CD99: variants seen among roughly 807,000 people sequenced by gnomAD.
The protein encoded by CD99 is CD99 antigen.
Under a neutral mutation model 28.4 loss-of-function variants are expected in CD99, and 19 were observed. The ratio of observed to expected loss-of-function variants is 0.67; its 90% CI spans 0.47 to 0.98. The LOEUF is 0.98. Among genes scored for constraint, CD99 ranks in the 50% least tolerant of loss-of-function variants. The pLI, the probability that CD99 is intolerant of heterozygous loss-of-function variation, is 0.00. For synonymous variants in CD99, 103 were observed against 92.1 expected (o/e 1.12, Z -0.67); for missense variants, 283 against 248.8 (o/e 1.14, Z -0.92).
At position 2,723,299 on chromosome X, in the gene CD99, G is replaced by GT; in HGVS notation, c.311-10dup. ...CCCAAACCTTCCCATTGCAGACGTT[G>GT]TTTTTGTCTTGCAGGAAAAGGAGGC... On this transcript the variant is annotated splice_polypyrimidine_tract_variant and intron_variant, in intron 6 of 9. Transcript: ENST00000381192. The GT allele has an allele frequency of 6.2e-7, 1 of 1,613,932 alleles. No individual in the cohort carries two copies. The highest frequency in any genetic ancestry group is 8.5e-7 in the Non-Finnish European group (1 of 1,179,824).
At chrX:2,697,633 A>G (rs1250483462) in intron 1 of CD99, among the ~76,000 whole-genome samples, 2 of 152,250 alleles carry the variant, frequency 1.3e-5, no homozygotes, top group East Asian at 3.9e-4. Context: ...GACTGGAATG[A>G]TGACAAGAAT....
chrX:2,737,018 T>C (rs1247036580), intron 8 of CD99, among the ~76,000 whole-genome samples: 1 of 151,894 alleles, frequency 6.6e-6, no homozygotes, highest in East Asian at 1.9e-4. Context: ...CTCGGAGTCC[T>C]CACTCACCTC....
intron 1 of CD99, among the ~76,000 whole-genome samples, chrX:2,704,181 C>CT (rs1257849884): frequency 1.3e-5 from 2 of 152,304 alleles, no homozygotes; most frequent in African/African-American, 4.8e-5. Context: ...TCACACCATT[C>CT]TTTGGCCTCT....
chrX:2,726,586 T>C, intron 8 of CD99: 2 of 671,270 alleles, frequency 3.0e-6, no homozygotes, highest in Non-Finnish European at 5.5e-6. Context: ...GTTTACAAGT[T>C]CCCCACTGCT....
At chrX:2,719,574 G>A (rs751867723) in intron 3 of CD99, 87 bp from the exon 4 acceptor site, 140 of 1,025,568 alleles carry the variant, frequency 1.4e-4, no homozygotes, top group East Asian at 8.1e-4. Flanking sequence ...ATGTGGGGCC[G>A]TGGTGTGTTT....
At chrX:2,740,027 G>C (rs1233262508) in intron 9 of CD99, among the ~76,000 whole-genome samples, 1 of 151,878 alleles carries the variant, frequency 6.6e-6, no homozygotes, top group South Asian at 2.1e-4. Flanking sequence ...GGGAGGCGGA[G>C]GTTGTGGTGA....
Position 2,726,343 on chromosome X carries a change from C to T in CD99, c.445C>T (p.Gln149Ter). 6.2e-7 allele frequency: 1 copy of T among 1,610,666 alleles called. No homozygotes were observed. The change falls in exon 8 of 10, where the codon CAG becomes TAG. Residue 149 changes from glutamine to a stop codon, truncating the protein, a stop_gained. Transcript: ENST00000381192. LOFTEE classifies it high-confidence loss of function. ...AGAISSFIAYQKKKLCFKENA... is the reference protein window; with the variant it reads ...AGAISSFIAY ...AGCCATCTCTAGCTTCATTGCTTAC[C>T]AGAAAAAGAAGCTATGCTTCAAAGA...
At chrX:2,739,985 A>C (rs1456665956) in intron 9 of CD99, among the ~76,000 whole-genome samples, 1 of 151,100 alleles carries the variant, frequency 6.6e-6, no homozygotes, top group Non-Finnish European at 1.5e-5. Flanking sequence ...CCAGCTACTC[A>C]GAAGGCTGAG....
At chrX:2,727,158 A>AAAAT in intron 8 of CD99, 1 of 695,380 alleles carries the variant, frequency 1.4e-6, no homozygotes. Flanking sequence ...CAAAACAAAA[A>AAAAT]CCAGCACAGC....
chrX:2,705,750 G>C (rs187599457), intron 1 of CD99, among the ~76,000 whole-genome samples: 1 of 152,074 alleles, frequency 6.6e-6, no homozygotes, highest in South Asian at 2.1e-4. Flanking sequence ...TCGTCTGCCC[G>C]GTGTTAAATG....
In CD99 at chrX:2,726,286, A is replaced by G. The variant is rs1299678312; in HGVS notation, c.388A>G (p.Ile130Val). ...CGACGCCCCAGGCGTGATCCCCGGG[A>G]TTGTGGGGGCTGTCGTGGTCGCCGT... ...EADAPGVIPG[I>V]VGAVVVAVAG... The change falls in exon 8 of 10, where the codon ATT becomes GTT. Residue 130 changes from isoleucine (I) to valine (V), a missense_variant. By Grantham distance (29) the Ile-to-Val change is conservative (BLOSUM62 3). Transcript: ENST00000381192. The G allele has an allele frequency of 6.2e-7, 1 of 1,611,290 alleles. No individual in the cohort carries two copies. Among genetic ancestry groups the G allele is most frequent in the African/African-American group, 1.3e-5 (1 of 74,766 alleles).
chrX:2,718,145 C>T (rs1380983363), intron 3 of CD99: 3 of 161,426 alleles, frequency 1.9e-5, no homozygotes, highest in East Asian at 1.7e-4. Context: ...TTCACTATGT[C>T]GGCCAGGCTG....
chrX:2,701,187 T>A (rs1346765464), intron 1 of CD99, among the ~76,000 whole-genome samples: 5 of 146,344 alleles, frequency 3.4e-5, no homozygotes, highest in African/African-American at 1.3e-4. Context: ...ACCCACTCAC[T>A]AATTTATCCA....
intron 8 of CD99, chrX:2,727,234 G>A: frequency 1.3e-6 from 1 of 759,034 alleles, no homozygotes; most frequent in Non-Finnish European, 2.5e-6. Flanking sequence ...TCTTGGATCG[G>A]GACTAAAATT....
At chrX:2,703,720 G>C (rs1393367075) in intron 1 of CD99, among the ~76,000 whole-genome samples, 4 of 151,750 alleles carry the variant, frequency 2.6e-5, no homozygotes, top group African/African-American at 9.7e-5. Context: ...CCGGCGGAGG[G>C]GTTATTTCAA....
At chrX:2,714,368 C>T in intron 1 of CD99, 54 bp from the exon 2 acceptor site, 1 of 1,399,882 alleles carries the variant, frequency 7.1e-7, no homozygotes, top group Admixed American at 1.9e-5. Context: ...CTATAATATT[C>T]AAATTTATTT....
intron 1 of CD99, among the ~76,000 whole-genome samples, chrX:2,704,336 G>T (rs1258782273): frequency 6.6e-6 from 1 of 152,200 alleles, no homozygotes; most frequent in Non-Finnish European, 1.5e-5. Flanking sequence ...CGTCGTCCTA[G>T]TTAGGATGAA....
chrX:2,709,750 A>C (rs1186060156), intron 1 of CD99, among the ~76,000 whole-genome samples: 2 of 152,260 alleles, frequency 1.3e-5, no homozygotes, highest in Admixed American at 1.3e-4. Flanking sequence ...GTACATAGAC[A>C]TGCACACGTA....
chrX:2,691,502 G>A (rs183618046), intron 1 of CD99, 75 bp downstream of exon 1: 107,286 of 1,463,160 alleles, frequency 0.073, 4,521 homozygotes, highest in Non-Finnish European at 0.086. Context: ...TTGAGATGCG[G>A]CGTTGGGGGC....
Sources: gnomAD v4.1 joint callset for allele counts (sites outside exome capture counted in the v4.1 genomes callset) on GRCh38, gnomAD v4.1.1 for gene constraint, MANE v1.5 for transcripts, NCBI Gene and HGNC (gene_info 2026-07-23, HGNC 2026-07-21) for gene names.